The following SLC14A2 variants were observed in gnomAD, a reference collection of about 807,000 sequenced individuals.
SLC14A2 encodes the protein urea transporter 2.
Under a neutral mutation model 104.6 loss-of-function variants are expected in SLC14A2, and 91 were observed. The observed-to-expected ratio is 0.87, with a 90% CI of 0.73 to 1.04. The LOEUF is 1.04. Ranked by LOEUF, SLC14A2 falls within the 50% of genes least tolerant of loss-of-function variation. The pLI, the probability that SLC14A2 is intolerant of heterozygous loss-of-function variation, is 0.00. For missense variants in SLC14A2, 1,189 were observed against 1,156.0 expected, an observed-to-expected ratio of 1.03 and a Z score of -0.41; for synonymous variants, 476 against 466.4, an observed-to-expected ratio of 1.02 and a Z score of -0.27.
chr18:45,300,412 A>G (rs2084956959), intron 1 of SLC14A2, among the ~76,000 whole-genome samples: 1 of 151,460 alleles, frequency 6.6e-6, no homozygotes, highest in South Asian at 2.1e-4. Context: ...TAATTAACCA[A>G]TATGCTGTTC....
At chr18:45,611,934 C>A (rs570727765), upstream of SLC14A2, among the ~76,000 whole-genome samples, 1 of 152,302 alleles carries the variant, frequency 6.6e-6, no homozygotes, top group African/African-American at 2.4e-5. Context: ...TCAAACAGTA[C>A]AGAATTTGTA....
At chr18:45,412,052 A>G (rs569675452) in intron 1 of SLC14A2, among the ~76,000 whole-genome samples, 1 of 152,216 alleles carries the variant, frequency 6.6e-6, no homozygotes, top group East Asian at 1.9e-4. Context: ...TGTCTCCCCA[A>G]ATGAAGCATA....
rs1598985564 is a variant in SLC14A2, at chr18:45,543,775, T to C, written c.-35+60453T>C. On this transcript the variant is annotated intron_variant, in intron 2 of 20. Transcript: ENST00000586448. ...CAAAAGCCTGTTGCAGTGTTGGCCTTTGGCTGGTGTCAAGGAACTTGGATT... is the reference window on the plus strand; with the variant it reads ...CAAAAGCCTGTTGCAGTGTTGGCCTCTGGCTGGTGTCAAGGAACTTGGATT... Among the ~76,000 whole-genome samples the C allele has an allele frequency of 1.3e-5, 2 of 152,352 alleles. 1 individual carries two copies. The highest frequency in any genetic ancestry group is 4.1e-4 in the South Asian group (2 of 4,828).
At chr18:45,529,408 T>C (rs1415837986) in intron 2 of SLC14A2, 5 of 152,198 alleles carry the variant, frequency 3.3e-5, no homozygotes, top group Non-Finnish European at 2.9e-5. Context: ...ACAGAAGTTG[T>C]GGTTCCTACA....
chr18:45,678,954 C>CTTT (rs72437878), intron 18 of SLC14A2, 21 bp from the exon 19 acceptor site: 161,566 of 1,403,858 alleles, frequency 0.12, 3,442 homozygotes, highest in East Asian at 0.22. Flanking sequence ...CTATTTCTTT[C>CTTT]TTTTTTTTTT....
chr18:45,635,653 C>A (rs765557826), intron 5 of SLC14A2, among the ~76,000 whole-genome samples: 5 of 152,152 alleles, frequency 3.3e-5, no homozygotes, highest in Non-Finnish European at 7.4e-5. Context: ...AGAAAGCCAA[C>A]CATTTCGAGG....
chr18:45,666,185 C>T lies in SLC14A2; in HGVS notation c.1523C>T (p.Pro508Leu), dbSNP rs757985147. 5 of 1,613,920 alleles carry T rather than the reference C, an allele frequency of 3.1e-6. No homozygotes were observed. The Middle Eastern group carries it at 4.9e-4, about 160-fold the overall frequency. ...GAAAGACAAAACAAAGACCCATTTC[C>T]CTATCGATACCGGAAGCCCACAGTC... The part of the protein sequence containing the change: ...HQERQNKDPF[P>L]YRYRKPTVEL... Residue 508 changes from proline to leucine, a missense_variant, in exon 12 of 20, where the codon CCC becomes CTC. Transcript: ENST00000255226.
At chr18:45,619,959 C>T (rs979793486) in intron 1 of SLC14A2, among the ~76,000 whole-genome samples, 7 of 152,208 alleles carry the variant, frequency 4.6e-5, no homozygotes, top group Non-Finnish European at 7.3e-5. Context: ...GAGGCCCACG[C>T]GGCCCCGAGT....
chr18:45,373,053 C>CTTCTACTAGTCT (rs1364779542), intron 1 of SLC14A2, among the ~76,000 whole-genome samples: 2 of 152,164 alleles, frequency 1.3e-5, no homozygotes, highest in South Asian at 4.1e-4. Context: ...CTCTAGACTA[C>CTTCTACTAGTCT]ACTTCTGTCG....
chr18:45,524,717 C>G (rs538902619), intron 2 of SLC14A2, among the ~76,000 whole-genome samples: 5 of 152,124 alleles, frequency 3.3e-5, no homozygotes, highest in Non-Finnish European at 7.3e-5. Flanking sequence ...GGACCGTATA[C>G]GAAAACACAC....
chr18:45,463,257 C>A (rs2087078249), intron 1 of SLC14A2, among the ~76,000 whole-genome samples: 1 of 152,160 alleles, frequency 6.6e-6, no homozygotes, highest in South Asian at 2.1e-4. Flanking sequence ...AGTTGGGTAG[C>A]CTGGTGTGGA....
At chr18:45,247,701 C>CTTT (rs199702602) in intron 1 of SLC14A2, among the ~76,000 whole-genome samples, 2 of 138,330 alleles carry the variant, frequency 1.4e-5, no homozygotes, top group African/African-American at 5.3e-5. Flanking sequence ...TAATGTAGGC[C>CTTT]TTTTTTTTTT....
intron 2 of SLC14A2, among the ~76,000 whole-genome samples, chr18:45,571,737 G>A (rs1403706041): frequency 6.6e-6 from 1 of 152,114 alleles, no homozygotes; most frequent in Non-Finnish European, 1.5e-5. Context: ...ATATCTGCCA[G>A]ACTCCCCAGC....
At chr18:45,494,915 T>TACACACACACACACACACACACAC (rs58079608) in intron 2 of SLC14A2, among the ~76,000 whole-genome samples, 2 of 148,638 alleles carry the variant, frequency 1.3e-5, no homozygotes, top group Non-Finnish European at 3.0e-5. Context: ...CACACACACA[T>TACACACACACACACACACACACAC]ACACACACAC....
chr18:45,678,532 T>G (rs1291285996), intron 18 of SLC14A2, among the ~76,000 whole-genome samples: 1 of 152,260 alleles, frequency 6.6e-6, no homozygotes, highest in African/African-American at 2.4e-5. Context: ...GACAAGGCAC[T>G]GGGCATGTCT....
upstream of SLC14A2, among the ~76,000 whole-genome samples, chr18:45,613,203 T>A (rs2045000654): frequency 6.6e-6 from 1 of 151,908 alleles, no homozygotes; most frequent in Admixed American, 6.6e-5. Flanking sequence ...CCCAGCTAAT[T>A]TTTTGTATTT....
At chr18:45,212,910 TGGCGCCATCTAGTGG>T (rs1004412259), upstream of SLC14A2, 3 of 152,384 alleles carry the variant, frequency 2.0e-5, no homozygotes, top group African/African-American at 7.2e-5. Flanking sequence ...AGATGTGTCC[TGGCGCCATCTAGTGG>T]GGGATCCAAC....
chr18:45,289,284 G>A (rs1398722249), intron 1 of SLC14A2, among the ~76,000 whole-genome samples: 4 of 152,062 alleles, frequency 2.6e-5, no homozygotes, highest in Non-Finnish European at 4.4e-5. Context: ...ACCAGCCCAA[G>A]GTGGGAGGCA....
At chr18:45,187,478 C>T in the SLC14A2 span, among the ~76,000 whole-genome samples, 1 of 152,134 alleles carries the variant, frequency 6.6e-6, no homozygotes, top group African/African-American at 2.4e-5. Context: ...ACTAAAATTG[C>T]AAACTATGAT....
Sources: allele counts gnomAD v4.1 joint callset (sites outside exome capture counted in the v4.1 genomes callset), GRCh38; gene constraint gnomAD v4.1.1; transcripts MANE v1.5; gene names NCBI Gene and HGNC (gene_info 2026-07-23, HGNC 2026-07-21).